Variants in NXPH2 observed in about 807,000 individuals in gnomAD.
NXPH2 encodes neurexophilin-2.
A neutral mutation model predicts 19.8 loss-of-function variants in NXPH2; 5 were observed. The observed-to-expected ratio is 0.25, with a 90% CI of 0.13 to 0.53. The LOEUF (loss-of-function observed/expected upper bound fraction) is 0.53, where lower values mean the gene tolerates loss of function less well. Among genes scored for constraint, NXPH2 ranks in the 20% least tolerant of loss-of-function variants. NXPH2 has a pLI of 0.96. For synonymous variants in NXPH2, 154 were observed against 127.4 expected, an observed-to-expected ratio of 1.21 and a Z score of -1.41; for missense variants, 289 against 322.8, an observed-to-expected ratio of 0.90 and a Z score of 0.80.
chr2:138,721,010 C>T (rs914352230), intron 1 of NXPH2, among the ~76,000 whole-genome samples: 1 of 152,152 alleles, frequency 6.6e-6, no homozygotes, highest in African/African-American at 2.4e-5. Context: ...AGGACGCATG[C>T]AGGGCATTAT....
chr2:138,748,148 G>A (rs1681770856), intron 1 of NXPH2, among the ~76,000 whole-genome samples: 1 of 152,162 alleles, frequency 6.6e-6, no homozygotes, highest in Non-Finnish European at 1.5e-5. Flanking sequence ...GGGAGGCACT[G>A]TGCTAGGTGC....
intron 1 of NXPH2, among the ~76,000 whole-genome samples, chr2:138,681,503 G>C (rs1314899184): frequency 6.6e-6 from 1 of 152,194 alleles, no homozygotes. Context: ...AGATTGCATA[G>C]ATCACCTACC....
intron 1 of NXPH2, among the ~76,000 whole-genome samples, chr2:138,677,858 T>C (rs565022386): frequency 2.6e-5 from 4 of 152,330 alleles, no homozygotes; most frequent in African/African-American, 7.2e-5. Context: ...AAAAGCTGCA[T>C]AATACAGAGT....
intron 1 of NXPH2, among the ~76,000 whole-genome samples, chr2:138,708,282 G>A (rs62163198): frequency 0.036 from 5,464 of 152,170 alleles, 131 homozygotes; most frequent in Middle Eastern, 0.1. Context: ...CTATCTCCCC[G>A]GCCATGAACT....
At chr2:138,671,716 C>A (rs60855564) in intron 1 of NXPH2, 51 bp from the exon 2 acceptor site, 7 of 1,489,238 alleles carry the variant, frequency 4.7e-6, no homozygotes, top group East Asian at 2.3e-5. Context: ...GCCGTGACTG[C>A]GCACTCAAAC....
chr2:138,744,767 C>T (rs549545996), intron 1 of NXPH2, among the ~76,000 whole-genome samples: 1 of 152,182 alleles, frequency 6.6e-6, no homozygotes. Flanking sequence ...AGAACTCTTC[C>T]TGGCTCTAGC....
chr2:138,717,144 GC>G (rs1245129049), intron 1 of NXPH2, among the ~76,000 whole-genome samples: 2 of 152,030 alleles, frequency 1.3e-5, no homozygotes, highest in South Asian at 2.1e-4. Context: ...GAAGGAAGGA[GC>G]TTTTTATATA....
At chr2:138,698,559 T>C (rs1330087578) in intron 1 of NXPH2, among the ~76,000 whole-genome samples, 1 of 152,112 alleles carries the variant, frequency 6.6e-6, no homozygotes, top group Non-Finnish European at 1.5e-5. Context: ...ACTTGCTATT[T>C]AATGTGGCAT....
intron 1 of NXPH2, among the ~76,000 whole-genome samples, chr2:138,774,165 A>G (rs868291225): frequency 5.9e-5 from 9 of 152,194 alleles, no homozygotes; most frequent in African/African-American, 2.2e-4. Flanking sequence ...CTGAGAGTCA[A>G]TTTTCCGTTT....
At chr2:138,774,387 A>G (rs1394183040) in intron 1 of NXPH2, among the ~76,000 whole-genome samples, 4 of 152,190 alleles carry the variant, frequency 2.6e-5, no homozygotes, top group African/African-American at 7.2e-5. Flanking sequence ...TTTTAAATCT[A>G]CTTCTAAGTA....
intron 1 of NXPH2, among the ~76,000 whole-genome samples, chr2:138,728,176 C>G (rs113476843): frequency 1.3e-4 from 20 of 151,864 alleles, no homozygotes; most frequent in Non-Finnish European, 7.4e-5. Context: ...CTCTCTCTCT[C>G]TCTGTCTGTC....
Position 138,669,461 on chromosome 2 carries a change from G to A in NXPH2, c.*1461C>T, listed in dbSNP as rs559593404. Among the ~76,000 whole-genome samples, 2 of 151,920 alleles carry A rather than the reference G, an allele frequency of 1.3e-5. No individual in the cohort carries two copies. The highest frequency in any genetic ancestry group is 1.9e-4 in the East Asian group (1 of 5,184). ...AAAATTGAACACTGCAGATATTACC[G>A]GTAAAAGGAAAGAAATGAAGATAGA... On this transcript the variant is annotated 3_prime_UTR_variant, in exon 2 of 2. Transcript: ENST00000272641.
At chr2:138,711,297 C>G (rs567104087) in intron 1 of NXPH2, among the ~76,000 whole-genome samples, 1 of 151,934 alleles carries the variant, frequency 6.6e-6, no homozygotes, top group African/African-American at 2.4e-5. Flanking sequence ...CCCACCACCA[C>G]GCCCGGCTAA....
intron 1 of NXPH2, among the ~76,000 whole-genome samples, chr2:138,764,519 T>A (rs907704492): frequency 6.6e-6 from 1 of 152,222 alleles, no homozygotes; most frequent in Non-Finnish European, 1.5e-5. Context: ...TTAAAATGAC[T>A]TCAGCAAATT....
chr2:138,706,682 C>A (rs1043174800), intron 1 of NXPH2, among the ~76,000 whole-genome samples: 1 of 151,974 alleles, frequency 6.6e-6, no homozygotes, highest in Admixed American at 6.6e-5. Context: ...GAGGCCAAAG[C>A]GGGAAGATTG....
chr2:138,748,625 TACACACATGC>T (rs1219299525), intron 1 of NXPH2, among the ~76,000 whole-genome samples: 1 of 152,050 alleles, frequency 6.6e-6, no homozygotes, highest in African/African-American at 2.4e-5. Flanking sequence ...CGCACACACA[TACACACATGC>T]ACACACATAC....
intron 1 of NXPH2, among the ~76,000 whole-genome samples, chr2:138,701,873 A>G (rs562042442): frequency 6.6e-6 from 1 of 152,170 alleles, no homozygotes; most frequent in African/African-American, 2.4e-5. Context: ...GGAAGACTCT[A>G]GATAACATTT....
At chr2:138,728,088 G>A (rs116695339) in intron 1 of NXPH2, among the ~76,000 whole-genome samples, 3,173 of 152,196 alleles carry the variant, frequency 0.021, 50 homozygotes, top group Non-Finnish European at 0.033. Context: ...TGTGTTTGAA[G>A]ACAGAGCCCT....
chr2:138,687,087 C>T (rs1429738969), intron 1 of NXPH2, among the ~76,000 whole-genome samples: 1 of 152,146 alleles, frequency 6.6e-6, no homozygotes, highest in Non-Finnish European at 1.5e-5. Context: ...ATGGCTGGGT[C>T]AAATGGTATT....
Sources: allele counts gnomAD v4.1 joint callset (sites outside exome capture counted in the v4.1 genomes callset), GRCh38; gene constraint gnomAD v4.1.1; transcripts MANE v1.5; gene names NCBI Gene and HGNC (gene_info 2026-07-23, HGNC 2026-07-21).